The following BBS7 variants were observed in gnomAD, a reference collection of about 807,000 sequenced individuals.
BBS7 encodes Bardet-Biedl syndrome 7.
In BBS7, 50 loss-of-function variants were observed where a neutral mutation model predicts 90.3. That is an observed-to-expected ratio of 0.55 (90% CI 0.44 to 0.70). The LOEUF (loss-of-function observed/expected upper bound fraction) is 0.70, where lower values mean the gene tolerates loss of function less well. Ranked by LOEUF, BBS7 falls within the 30% of genes least tolerant of loss-of-function variation. The pLI, the probability that BBS7 is intolerant of heterozygous loss-of-function variation, is 0.00. For missense variants in BBS7, 729 were observed against 838.9 expected (o/e 0.87, Z 1.62); for synonymous variants, 235 against 287.4 (o/e 0.82, Z 1.85).
intron 12 of BBS7, among the ~76,000 whole-genome samples, chr4:121,840,699 T>C (rs1532968): frequency 0.78 from 119,168 of 152,072 alleles, 47,010 homozygotes; most frequent in African/African-American, 0.87. Context: ...ATGTAATTTT[T>C]GAGACTGCTA....
At chr4:121,842,805 T>C (rs965993702) in intron 12 of BBS7, among the ~76,000 whole-genome samples, 1 of 152,194 alleles carries the variant, frequency 6.6e-6, no homozygotes. Flanking sequence ...AAACCTTATC[T>C]ATACCTTGAC....
intron 2 of BBS7, among the ~76,000 whole-genome samples, chr4:121,865,241 C>CT (rs35421537): frequency 0.017 from 2,494 of 142,640 alleles, 31 homozygotes; most frequent in Non-Finnish European, 0.026. Flanking sequence ...TCTTCTCTCT[C>CT]TTTTTTTTTT....
intron 12 of BBS7, among the ~76,000 whole-genome samples, chr4:121,843,147 A>C (rs1725828631): frequency 6.6e-6 from 1 of 152,184 alleles, no homozygotes; most frequent in Admixed American, 6.5e-5. Context: ...GTGAGAGAGA[A>C]GTTAGAGATG....
At chr4:121,835,537 A>G (rs1426747846) in intron 13 of BBS7, among the ~76,000 whole-genome samples, 1 of 152,148 alleles carries the variant, frequency 6.6e-6, no homozygotes, top group Non-Finnish European at 1.5e-5. Flanking sequence ...CATACTTTTC[A>G]TGGCATGAGG....
At chr4:121,854,928 G>T in intron 6 of BBS7, 108 bp from the exon 7 acceptor site, 1 of 1,071,402 alleles carries the variant, frequency 9.3e-7, no homozygotes, top group Non-Finnish European at 1.4e-6. Flanking sequence ...ACTATAAAAA[G>T]ATATAAAACT....
At chr4:121,865,079 CTG>C (rs746120788) in intron 2 of BBS7, among the ~76,000 whole-genome samples, 26 of 152,102 alleles carry the variant, frequency 1.7e-4, no homozygotes, top group Admixed American at 3.9e-4. Context: ...CTAGTATTCT[CTG>C]TCCTACTTTT....
At chr4:121,868,496 A>G (rs1727403368) in intron 1 of BBS7, among the ~76,000 whole-genome samples, 1 of 151,996 alleles carries the variant, frequency 6.6e-6, no homozygotes, top group African/African-American at 2.4e-5. Flanking sequence ...CATCTAGGCA[A>G]CACAGGGAGA....
chr4:121,852,785 T>C (rs1726390090), intron 8 of BBS7, among the ~76,000 whole-genome samples, 171 bp downstream of exon 8: 1 of 152,160 alleles, frequency 6.6e-6, no homozygotes, highest in South Asian at 2.1e-4. Context: ...CAAGAGTCTA[T>C]TATTCAAACA....
intron 10 of BBS7, among the ~76,000 whole-genome samples, chr4:121,846,159 G>A (rs1335541898): frequency 6.6e-6 from 1 of 152,206 alleles, no homozygotes. Context: ...TAAAAAGGAA[G>A]CTGCAGAGCA....
chr4:121,829,084 A>C (rs921130489), intron 15 of BBS7, among the ~76,000 whole-genome samples: 2 of 152,188 alleles, frequency 1.3e-5, no homozygotes, highest in African/African-American at 4.8e-5. Context: ...TTACATAAGT[A>C]TGTTTTTCTT....
At chr4:121,868,123 T>G (rs1727385762) in intron 1 of BBS7, 77 bp from the exon 2 acceptor site, 1 of 1,202,898 alleles carries the variant, frequency 8.3e-7, no homozygotes, top group Non-Finnish European at 1.2e-6. Flanking sequence ...TAGTGAACCT[T>G]TTTGTTAAAC....
At chr4:121,834,909 A>G (rs537340301) in intron 14 of BBS7, among the ~76,000 whole-genome samples, 9 of 152,292 alleles carry the variant, frequency 5.9e-5, no homozygotes, top group African/African-American at 1.9e-4. Flanking sequence ...TGCTATTCTA[A>G]TAATCCCAGA....
chr4:121,869,142 T>C (rs960807962), intron 1 of BBS7, among the ~76,000 whole-genome samples: 2 of 152,096 alleles, frequency 1.3e-5, no homozygotes, highest in African/African-American at 4.8e-5. Flanking sequence ...TCAAGAGATA[T>C]TTGGGAGTTA....
In BBS7 at chr4:121,855,573, G is replaced by C. The variant is rs1379525556; in HGVS notation, c.529-12C>G. On this transcript the variant is annotated splice_polypyrimidine_tract_variant and intron_variant, in intron 5 of 18. Coordinates refer to ENST00000264499, the MANE Select transcript of BBS7 (RefSeq NM_176824.3). ...ATCACATCAGATCCCTGAAGGAGAA[G>C]TATTTAAAAACTGAAACAGAATACA... 2 of 1,611,190 alleles carry C rather than the reference G, an allele frequency of 1.2e-6. No individual in the cohort carries two copies.
chr4:121,832,009 AACAC>A (rs375865529), intron 15 of BBS7, among the ~76,000 whole-genome samples: 2,411 of 142,818 alleles, frequency 0.017, 27 homozygotes, highest in Middle Eastern at 0.049. Flanking sequence ...AAAAAACAAA[AACAC>A]ACACACACAC....
chr4:121,847,554 A>G, intron 9 of BBS7, 48 bp from the exon 10 acceptor site: 1 of 1,319,966 alleles, frequency 7.6e-7, no homozygotes, highest in Non-Finnish European at 1.1e-6. Context: ...TGCTAGTGTT[A>G]AAAAGATAAA....
intron 2 of BBS7, among the ~76,000 whole-genome samples, chr4:121,867,607 T>C (rs1325271768): frequency 2.0e-5 from 3 of 152,216 alleles, no homozygotes; most frequent in African/African-American, 7.2e-5. Context: ...TCAATATTGT[T>C]AGTTAAGTAC....
At chr4:121,858,870 T>C (rs1726826362) in intron 5 of BBS7, 122 bp downstream of exon 5, 3 of 886,722 alleles carry the variant, frequency 3.4e-6, no homozygotes, top group Non-Finnish European at 5.1e-6. Context: ...TATTTAAAAA[T>C]TGTTTCCACA....
intron 12 of BBS7, among the ~76,000 whole-genome samples, chr4:121,841,611 G>A (rs1489822152): frequency 6.6e-6 from 1 of 151,656 alleles, no homozygotes; most frequent in Admixed American, 6.6e-5. Context: ...TTAGTGATGG[G>A]TACATGCAAG....
Sources: gnomAD v4.1 joint callset for allele counts (sites outside exome capture counted in the v4.1 genomes callset) on GRCh38, gnomAD v4.1.1 for gene constraint, MANE v1.5 for transcripts, NCBI Gene and HGNC (gene_info 2026-07-23, HGNC 2026-07-21) for gene names.